The following GABRG1 variants were observed in gnomAD, a reference collection of about 807,000 sequenced individuals.
GABRG1 encodes the protein gamma-aminobutyric acid receptor subunit gamma-1.
In GABRG1, 49 loss-of-function variants were observed where a neutral mutation model predicts 49.8. That is an observed-to-expected ratio of 0.98 (90% CI 0.78 to 1.25). The LOEUF (loss-of-function observed/expected upper bound fraction) is 1.25. GABRG1 is among the 50% of genes most tolerant of loss of function. GABRG1 has a pLI of 0.00. For synonymous variants in GABRG1, 232 were observed against 185.1 expected (o/e 1.25, Z -2.06); for missense variants, 552 against 552.3 (o/e 1.00, Z 0.01).
intron 8 of GABRG1, among the ~76,000 whole-genome samples, chr4:46,047,881 G>T (rs750861003): frequency 2.6e-5 from 4 of 151,938 alleles, no homozygotes; most frequent in Non-Finnish European, 4.4e-5. Context: ...ATCCCTGAAA[G>T]CAAAGAACAC....
chr4:46,039,469 C>G lies in GABRG1; in HGVS notation c.*1519G>C, dbSNP rs1391706410. ...CGCAGCGGAATTATAACATTAAAAA[C>G]TAGAGTAACAATTGCAGAGGTGACA... On this transcript the variant is annotated 3_prime_UTR_variant, in exon 9 of 9. Coordinates refer to ENST00000295452, the MANE Select transcript of GABRG1 (RefSeq NM_173536.4). 2 of 151,622 alleles carry G rather than the reference C, an allele frequency of 1.3e-5. No homozygotes were observed. Among genetic ancestry groups the G allele is most frequent in the Admixed American group, 6.6e-5 (1 of 15,152 alleles). The allele number at this position is 151,622 out of a possible 1,614,324, so 9.4% of individuals were successfully genotyped here. A position where few individuals can be genotyped will look rare whatever the true frequency, so the allele number is the denominator to read the frequency against.
At chr4:46,086,210 G>A (rs1198929442) in intron 2 of GABRG1, among the ~76,000 whole-genome samples, 1 of 151,486 alleles carries the variant, frequency 6.6e-6, no homozygotes, top group Non-Finnish European at 1.5e-5. Context: ...GGGATTAGAG[G>A]TTCAGGGCAA....
intron 8 of GABRG1, among the ~76,000 whole-genome samples, chr4:46,048,405 AGG>A (rs1478141336): frequency 6.6e-6 from 1 of 150,478 alleles, no homozygotes; most frequent in Non-Finnish European, 1.5e-5. Context: ...GAAGGAAGGA[AGG>A]AAGGAAGGAA....
intron 1 of GABRG1, among the ~76,000 whole-genome samples, chr4:46,105,094 A>AGATTCCC (rs1457239396): frequency 4.0e-5 from 6 of 151,572 alleles, no homozygotes; most frequent in Admixed American, 3.3e-4. Flanking sequence ...ATAGAAAACC[A>AGATTCCC]GATTCCCAAA....
At chr4:46,062,465 T>C (rs1243911949) in intron 5 of GABRG1, among the ~76,000 whole-genome samples, 2 of 152,196 alleles carry the variant, frequency 1.3e-5, no homozygotes, top group Admixed American at 6.5e-5. Flanking sequence ...ATTTCCACAA[T>C]GGTTGAACTA....
At chr4:46,122,807 A>T (rs1283142107) in intron 1 of GABRG1, among the ~76,000 whole-genome samples, 5 of 152,088 alleles carry the variant, frequency 3.3e-5, no homozygotes, top group Non-Finnish European at 7.4e-5. Context: ...ATACAGAGTT[A>T]CTTTTTTAAT....
chr4:46,120,749 G>C (rs944379545), intron 1 of GABRG1, among the ~76,000 whole-genome samples: 1 of 151,382 alleles, frequency 6.6e-6, no homozygotes, highest in Non-Finnish European at 1.5e-5. Context: ...ATTTTCAACC[G>C]GGCAACTGAA....
intron 7 of GABRG1, among the ~76,000 whole-genome samples, chr4:46,053,952 C>T (rs1414971539): frequency 6.6e-6 from 1 of 152,012 alleles, no homozygotes; most frequent in Non-Finnish European, 1.5e-5. Context: ...TTCTCCATGG[C>T]TTCCCCTACT....
chr4:46,083,215 T>C (rs547488798), intron 3 of GABRG1, among the ~76,000 whole-genome samples: 1 of 151,776 alleles, frequency 6.6e-6, no homozygotes, highest in African/African-American at 2.4e-5. Flanking sequence ...TTGAAAAAAA[T>C]GTATTATTTT....
chr4:46,044,406 A>G lies in GABRG1; in HGVS notation c.1132-3152T>C, dbSNP rs1391182530. Among the ~76,000 whole-genome samples the G allele has an allele frequency of 2.0e-5, 3 of 152,092 alleles. No homozygotes were observed. In the East Asian group the frequency reaches 5.8e-4, roughly 29 times the overall value. On this transcript the variant is annotated intron_variant, in intron 8 of 8. Transcript: ENST00000295452. ...TGAGGTGGGAGGATGGCTTGATCTC[A>G]GGAGGTTGAGGCTGCAGTGAGCTGT...
At position 46,040,815 on chromosome 4, in the gene GABRG1, C is replaced by T. The variant is rs553527259; in HGVS notation, c.*173G>A. ...AACTAATCAGTTTCACGTAAATTAG[C>T]CTGAAAGCTGCTACTTTATTTACTT... is the stretch of plus-strand genomic sequence containing the variant. On this transcript the variant is annotated 3_prime_UTR_variant, in exon 9 of 9. Transcript: ENST00000295452. 5.2e-6 allele frequency: 3 copies of T among 573,598 alleles called. No homozygotes were observed. The highest frequency in any genetic ancestry group is 5.7e-6 in the Non-Finnish European group (2 of 350,334). 35.5% of individuals were successfully genotyped at this position (573,598 alleles called of 1,614,324 possible).
chr4:46,064,465 A>G lies in GABRG1; in HGVS notation c.601T>C (p.Ser201Pro). Residue 201 changes from serine to proline, a missense_variant, in exon 5 of 9, where the codon TCC becomes CCC. Transcript: ENST00000295452. ...QLHNFPMDEH[S>P]CPLEFSSYGY... is the part of the protein sequence containing the mutation. The stretch of plus-strand genomic sequence containing the variant: ...CAGCTTGAAAATTCCAGTGGACAGG[A>G]ATGTTCATCCATGGGAAAGTTATGA... The G allele has an allele frequency of 6.5e-7, 1 of 1,542,714 alleles. No individual in the cohort carries two copies. The highest frequency in any genetic ancestry group is 8.7e-7 in the Non-Finnish European group (1 of 1,145,842).
At chr4:46,056,150 TTAAAAAAAAAAAAAAAA>T (rs1319390816) in intron 7 of GABRG1, among the ~76,000 whole-genome samples, 1 of 46,018 alleles carries the variant, frequency 2.2e-5, no homozygotes, top group Admixed American at 2.6e-4. Flanking sequence ...AATAAATAAA[TTAAAAAAAAAAAAAAAA>T]AAAAAAAAAA....
chr4:46,102,526 C>T (rs1004810858), intron 1 of GABRG1, among the ~76,000 whole-genome samples: 3 of 151,590 alleles, frequency 2.0e-5, no homozygotes, highest in Non-Finnish European at 4.4e-5. Context: ...CCACTCCCTC[C>T]TCCTCTCATT....
chr4:46,058,212 C>G lies in GABRG1; in HGVS notation c.916+5G>C. 6.2e-7 allele frequency: 1 copy of G among 1,608,614 alleles called. No homozygotes were observed. Among genetic ancestry groups the G allele is most frequent in the Non-Finnish European group, 8.5e-7 (1 of 1,177,904 alleles). The stretch of plus-strand genomic sequence containing the variant: ...GGCATTATAGCATAATATTACATGT[C>G]ATACCCAACGATGTTCTTGCAGGCA... On this transcript the variant is annotated splice_donor_5th_base_variant and intron_variant, in intron 7 of 8. Coordinates refer to ENST00000295452, the MANE Select transcript of GABRG1 (RefSeq NM_173536.4).
chr4:46,091,309 T>C (rs1260663146), intron 2 of GABRG1, among the ~76,000 whole-genome samples: 1 of 151,986 alleles, frequency 6.6e-6, no homozygotes. Context: ...GAAACAAAAT[T>C]AAGTCCTCTC....
At chr4:46,063,826 A>G (rs1340684872) in intron 5 of GABRG1, among the ~76,000 whole-genome samples, 1 of 152,100 alleles carries the variant, frequency 6.6e-6, no homozygotes. Flanking sequence ...ACTCAAACAA[A>G]TTTACAAGAA....
At position 46,047,499 on chromosome 4, in the gene GABRG1, A is replaced by T. The variant is rs1390517463; in HGVS notation, c.1131+3925T>A. ...TCTCCTCTCCACAAGGTTCTCTTCA[A>T]CACTGTGTGCCTGTTCAATGTTTCA... On this transcript the variant is annotated intron_variant, in intron 8 of 8. Transcript: ENST00000295452. Among the ~76,000 whole-genome samples the T allele has an allele frequency of 3.3e-5, 5 of 152,196 alleles. 1 individual carries two copies. The highest frequency in any genetic ancestry group is 1.2e-4 in the African/African-American group (5 of 41,568).
intron 1 of GABRG1, among the ~76,000 whole-genome samples, chr4:46,109,784 T>A (rs745883329): frequency 9.9e-5 from 15 of 151,108 alleles, no homozygotes; most frequent in Non-Finnish European, 1.9e-4. Context: ...AAAGGCATTC[T>A]GGGGCAAGTT....
Sources: gnomAD v4.1 joint callset for allele counts (sites outside exome capture counted in the v4.1 genomes callset) on GRCh38, gnomAD v4.1.1 for gene constraint, MANE v1.5 for transcripts, NCBI Gene and HGNC (gene_info 2026-07-23, HGNC 2026-07-21) for gene names.